Variants in CKAP2 observed in about 807,000 individuals in gnomAD.
CKAP2 encodes the protein cytoskeleton-associated protein 2.
Under a neutral mutation model 58.4 loss-of-function variants are expected in CKAP2, and 46 were observed. The ratio of observed to expected loss-of-function variants is 0.79; its 90% CI spans 0.62 to 1.01. The LOEUF is 1.01. Among genes scored for constraint, CKAP2 ranks in the 50% least tolerant of loss-of-function variants. The pLI, the probability that CKAP2 is intolerant of heterozygous loss-of-function variation, is 0.00. For synonymous variants in CKAP2, 293 were observed against 280.9 expected (o/e 1.04, Z -0.43); for missense variants, 809 against 796.4 (o/e 1.02, Z -0.19).
chr13:52,470,563 A>G (rs1052046538), intron 7 of CKAP2, among the ~76,000 whole-genome samples: 2 of 152,174 alleles, frequency 1.3e-5, no homozygotes, highest in African/African-American at 4.8e-5. Flanking sequence ...TAAAGTTCTA[A>G]ATTAAGTATG....
intron 7 of CKAP2, among the ~76,000 whole-genome samples, chr13:52,471,394 T>C (rs1209677952): frequency 1.3e-5 from 2 of 152,110 alleles, no homozygotes; most frequent in Non-Finnish European, 2.9e-5. Flanking sequence ...ATCCATAAAC[T>C]CTTGGCTTTC....
rs1566098452 is a variant in CKAP2 at position 52,461,038 on chromosome 13, T to C, written c.232-20T>C. On this transcript the variant is annotated intron_variant, in intron 3 of 8. Transcript: ENST00000258607. ...TCCATTTTGCCTTTCCTAAACACTT[T>C]TCTTAAATAATTCTTTCAGGCTGAT... 4.4e-6 allele frequency: 7 copies of C among 1,601,772 alleles called. No individual in the cohort carries two copies. Among genetic ancestry groups the C allele is most frequent in the Non-Finnish European group, 6.0e-6 (7 of 1,176,178 alleles).
intron 2 of CKAP2, among the ~76,000 whole-genome samples, chr13:52,457,266 C>T (rs1958502492): frequency 1.3e-5 from 2 of 152,100 alleles, no homozygotes; most frequent in African/African-American, 2.4e-5. Flanking sequence ...AAAGTATGTG[C>T]ATAGACTAGA....
chr13:52,462,471 G>C lies in CKAP2; in HGVS notation c.1209G>C (p.Gly403=), dbSNP rs1202628845. The C allele has an allele frequency of 6.2e-7, 1 of 1,613,944 alleles. No individual in the cohort carries two copies. Among genetic ancestry groups the C allele is most frequent in the African/African-American group, 1.3e-5 (1 of 74,900 alleles). The change falls in exon 5 of 9, where the codon GGG becomes GGC. Residue 403 remains glycine (G), a synonymous_variant. Transcript: ENST00000258607. ...CAGGACAAAATGAAAAACCAGTTGG[G>C]TCTTTTTGGACTACCATGGCAGAAG... is the stretch of plus-strand genomic sequence containing the variant. ...EPAGQNEKPV[G]SFWTTMAEED...
intron 4 of CKAP2, 25 bp from the exon 5 acceptor site, chr13:52,462,338 C>T (rs759939721): frequency 1.6e-5 from 26 of 1,583,480 alleles, no homozygotes; most frequent in East Asian, 1.1e-4. Context: ...TTCAAAGTAA[C>T]GTTTATATCT....
intron 2 of CKAP2, among the ~76,000 whole-genome samples, chr13:52,457,111 G>A (rs1444532349): frequency 6.6e-6 from 1 of 152,052 alleles, no homozygotes; most frequent in East Asian, 1.9e-4. Flanking sequence ...TGGCCGGGCT[G>A]GTCTTGGACT....
At chr13:52,464,893 A>G (rs1566101436) in intron 5 of CKAP2, among the ~76,000 whole-genome samples, 1 of 152,230 alleles carries the variant, frequency 6.6e-6, no homozygotes, top group Non-Finnish European at 1.5e-5. Flanking sequence ...GAATAGAATT[A>G]GAGTTTATTT....
chr13:52,461,304 A>G lies in CKAP2; in HGVS notation c.478A>G (p.Thr160Ala), dbSNP rs1372664495. The stretch of plus-strand genomic sequence containing the variant: ...CAATAGTAAAAAGAAACAAATGACT[A>G]CAGAAAAACAAAAGCAAGATGCTAA... The part of the protein sequence containing the change: ...KNNSKKKQMT[T>A]EKQKQDANMP... Residue 160 changes from threonine (T) to alanine (A), a missense_variant, in exon 4 of 9, where the codon ACA (threonine) becomes GCA (alanine). By Grantham distance (58) the Thr-to-Ala change is moderately conservative. This residue lies in a region of CKAP2 where 523 missense variants were observed against 492.4 expected (regional missense o/e 1.06). Transcript: ENST00000258607. 3.7e-6 allele frequency: 6 copies of G among 1,613,966 alleles called. No homozygotes were observed. The highest frequency in any genetic ancestry group is 2.2e-5 in the East Asian group (1 of 44,894).
Position 52,460,904 on chromosome 13 carries a change from A to G in CKAP2, c.161A>G (p.Asp54Gly), listed in dbSNP as rs775612292. The G allele has an allele frequency of 6.2e-7, 1 of 1,612,892 alleles. No homozygotes were observed. The highest frequency in any genetic ancestry group is 1.7e-5 in the Admixed American group (1 of 59,818). The change falls in exon 3 of 9, where the codon GAT becomes GGT. Residue 54 changes from aspartate to glycine, a missense_variant. Asp to Gly is a moderately conservative substitution (Grantham distance 94, BLOSUM62 -1). Around this residue, in one of 3 missense-constraint regions of CKAP2, gnomAD observed 523 missense variants for 492.4 expected, o/e 1.06. Coordinates refer to ENST00000258607, the MANE Select transcript of CKAP2 (RefSeq NM_018204.5). Reference protein sequence around the residue: ...KQENEMLSSRDQRVVTSEDQV... With the variant: ...KQENEMLSSRGQRVVTSEDQV... ...GTTTGTTTGTTTTTAAGTAGTAGAGATCAGAGAGTTGTGACATCTGAGGAC... is the reference window on the plus strand; with the variant it reads ...GTTTGTTTGTTTTTAAGTAGTAGAGGTCAGAGAGTTGTGACATCTGAGGAC...
At chr13:52,463,233 C>T (rs113802236) in intron 5 of CKAP2, among the ~76,000 whole-genome samples, 4,106 of 152,196 alleles carry the variant, frequency 0.027, 199 homozygotes, top group African/African-American at 0.095. Context: ...CCACTGCGCT[C>T]GGCCTCATTC....
intron 6 of CKAP2, among the ~76,000 whole-genome samples, chr13:52,467,991 T>C (rs537333745): frequency 1.3e-5 from 2 of 152,236 alleles, no homozygotes; most frequent in African/African-American, 4.8e-5. Context: ...TTTGTGTTTT[T>C]AGTAGAGACG....
At position 52,473,898 on chromosome 13, in the gene CKAP2, T is replaced by A; in HGVS notation, c.1616T>A (p.Val539Asp). The change falls in exon 8 of 9, where the codon GTT becomes GAT. Residue 539 changes from valine to aspartate, a missense_variant. By Grantham distance (152) the Val-to-Asp change is radical. Coordinates refer to ENST00000258607, the MANE Select transcript of CKAP2 (RefSeq NM_018204.5). ...VKEVSIEDTG[V>D]DVDPEKLEME... The stretch of plus-strand genomic sequence containing the variant: ...GAAGTCAGTATTGAAGATACAGGTG[T>A]TGATGTAGATCCAGAAAAACTGGAA... 1.2e-6 allele frequency: 2 copies of A among 1,613,814 alleles called. No individual in the cohort carries two copies. Among genetic ancestry groups the A allele is most frequent in the Non-Finnish European group, 1.7e-6 (2 of 1,179,782 alleles).
chr13:52,467,827 T>TG (rs1043697273), intron 6 of CKAP2, among the ~76,000 whole-genome samples: 1 of 151,710 alleles, frequency 6.6e-6, no homozygotes, highest in Non-Finnish European at 1.5e-5. Flanking sequence ...TTTTTTTTTT[T>TG]GAGATGGAGT....
At chr13:52,464,676 A>G (rs1022187507) in intron 5 of CKAP2, among the ~76,000 whole-genome samples, 6 of 152,208 alleles carry the variant, frequency 3.9e-5, no homozygotes, top group Non-Finnish European at 5.9e-5. Context: ...CAGCTCCAGA[A>G]CAATATTCTG....
chr13:52,468,222 A>T, intron 6 of CKAP2, 56 bp from the exon 7 acceptor site: 1 of 1,032,430 alleles, frequency 9.7e-7, no homozygotes, highest in Non-Finnish European at 1.5e-6. Context: ...ATACCTAGTT[A>T]ATGTCAGAGA....
Position 52,461,144 on chromosome 13 carries a change from T to TGAAC in CKAP2, c.319_322dup (p.Leu108ArgfsTer10). ...ATTGTATTCCTTTAAAACCTTCAAA[T>TGAAC]GAACTAACCAATTCAACTGTAGTAA... On this transcript the variant is annotated frameshift_variant, in exon 4 of 9. Coordinates refer to ENST00000258607, the MANE Select transcript of CKAP2 (RefSeq NM_018204.5). LOFTEE classifies it high-confidence loss of function. 6.2e-7 allele frequency: 1 copy of TGAAC among 1,613,202 alleles called. No individual in the cohort carries two copies. The highest frequency in any genetic ancestry group is 8.5e-7 in the Non-Finnish European group (1 of 1,179,802).
intron 1 of CKAP2, chr13:52,455,912 G>A (rs1418094783): frequency 1.7e-6 from 2 of 1,148,036 alleles, no homozygotes; most frequent in South Asian, 3.3e-5. Flanking sequence ...TCAGGCCGGG[G>A]TCGGTGTCGG....
chr13:52,467,985 T>G (rs1026811314), intron 6 of CKAP2, among the ~76,000 whole-genome samples: 5 of 152,102 alleles, frequency 3.3e-5, no homozygotes, highest in African/African-American at 4.8e-5. Context: ...CATTTTTTTG[T>G]GTTTTTAGTA....
At chr13:52,470,889 G>T (rs1161766346) in intron 7 of CKAP2, among the ~76,000 whole-genome samples, 1 of 151,936 alleles carries the variant, frequency 6.6e-6, no homozygotes, top group African/African-American at 2.4e-5. Context: ...GCCGGGCATG[G>T]TGGCTCACGC....
Sources: allele counts gnomAD v4.1 joint callset (sites outside exome capture counted in the v4.1 genomes callset), GRCh38; gene constraint gnomAD v4.1.1; regional missense constraint gnomAD v4.1.1; transcripts MANE v1.5; gene names NCBI Gene and HGNC (gene_info 2026-07-23, HGNC 2026-07-21).